The following SCLY variants were observed in gnomAD, a reference collection of about 807,000 sequenced individuals.
SCLY encodes the protein putative selenocysteine lyase.
A neutral mutation model predicts 50.1 loss-of-function variants in SCLY; 38 were observed. The ratio of observed to expected loss-of-function variants is 0.76; its 90% CI spans 0.59 to 0.99. The LOEUF is 0.99. SCLY is among the 50% of genes least tolerant of loss of function. SCLY has a pLI of 0.00. For missense variants in SCLY, 600 were observed against 620.0 expected, an observed-to-expected ratio of 0.97 and a Z score of 0.34; for synonymous variants, 243 against 249.4, an observed-to-expected ratio of 0.97 and a Z score of 0.24.
In SCLY at chr2:238,066,187, G is replaced by A. The variant is rs1250502181; in HGVS notation, c.202+1718G>A. ...TAGTGAGCATTGCACTGTTGTGCAT[G>A]TGGAAGTCTCTTTACTGCCTGTTGC... On this transcript the variant is annotated intron_variant, in intron 2 of 11. Coordinates refer to ENST00000254663, the MANE Select transcript of SCLY (RefSeq NM_016510.7). The surrounding 1 kb of genome is among the most constrained non-coding windows in gnomAD (Gnocchi z 4.1). 6.6e-6 allele frequency among the ~76,000 whole-genome samples: 1 copy of A among 152,216 alleles called. No homozygotes were observed. The highest frequency in any genetic ancestry group is 6.5e-5 in the Admixed American group (1 of 15,282).
intron 10 of SCLY, among the ~76,000 whole-genome samples, chr2:238,096,596 G>A (rs908097168): frequency 9.8e-5 from 15 of 152,384 alleles, no homozygotes; most frequent in Admixed American, 1.3e-4. Flanking sequence ...TAGTGTCTGC[G>A]TTTGTGCAGC....
rs74900572 is a variant in SCLY, at chr2:238,072,104, C to T, written c.484+2627C>T. 7.8e-3 allele frequency among the ~76,000 whole-genome samples: 1,193 copies of T among 152,292 alleles called. 8 individuals are homozygous for T. Among genetic ancestry groups the T allele is most frequent in the Non-Finnish European group, 0.012 (821 of 68,018 alleles). On this transcript the variant is annotated intron_variant, in intron 4 of 11. Transcript: ENST00000254663. ...ACCACTCATCTACTTTCTGTCTCTA[C>T]AGATTTCCCTATTCTAGACTCCCCT... is the stretch of plus-strand genomic sequence containing the variant.
chr2:238,073,727 T>C (rs2106440765), intron 4 of SCLY: 1 of 467,404 alleles, frequency 2.1e-6, no homozygotes, highest in Non-Finnish European at 4.4e-6. Context: ...TTTTCTCCTA[T>C]CTCTACTGTC....
chr2:238,065,660 T>TTTTTATTATTATTATTATTA (rs71402758), intron 2 of SCLY, among the ~76,000 whole-genome samples: 2 of 143,514 alleles, frequency 1.4e-5, no homozygotes, highest in African/African-American at 5.2e-5. Context: ...AATATTTTAT[T>TTTTTATTATTATTATTATTA]TTATTATTAT....
chr2:238,091,534 CAAGCTGCAGGTT>C, intron 8 of SCLY: 3 of 450,822 alleles, frequency 6.7e-6, no homozygotes, highest in Admixed American at 3.6e-5. Context: ...GGTGAAGTGT[CAAGCTGCAGGTT>C]CACCATTCCC....
chr2:238,082,990 C>T (rs1164667166), intron 6 of SCLY: 1 of 516,300 alleles, frequency 1.9e-6, no homozygotes, highest in East Asian at 3.9e-5. Context: ...ACATGATGCG[C>T]AGGGGAGAGC....
rs529263126 is a variant in SCLY, at chr2:238,067,922, G to C, written c.203-143G>C. On this transcript the variant is annotated intron_variant, in intron 2 of 11. Transcript: ENST00000254663. This position sits in a 1 kb window ranked among gnomAD's most constrained non-coding sequence, Gnocchi z 4.3. ...GGTTGTGTCTAGGTTGTAGCATTTTGCTGTGCTCACATTAAGGGGCCAGGT... is the reference window on the plus strand; with the variant it reads ...GGTTGTGTCTAGGTTGTAGCATTTTCCTGTGCTCACATTAAGGGGCCAGGT... 8 of 580,278 alleles carry C rather than the reference G, an allele frequency of 1.4e-5. No individual in the cohort carries two copies. The African/African-American group carries it at 1.5e-4, about 11-fold the overall frequency. The allele number at this position is 580,278 out of a possible 1,614,324, so 35.9% of individuals were successfully genotyped here.
chr2:238,091,541 C>T (rs3739055), intron 8 of SCLY: 177,599 of 410,852 alleles, frequency 0.43, 40,252 homozygotes, highest in Admixed American at 0.47. Context: ...TGTCAAGCTG[C>T]AGGTTCACCA....
intron 7 of SCLY, among the ~76,000 whole-genome samples, chr2:238,089,290 A>T (rs1009324576): frequency 1.3e-5 from 2 of 152,196 alleles, no homozygotes; most frequent in African/African-American, 2.4e-5. Flanking sequence ...AGATTGGAAG[A>T]TTCTACATAC....
intron 7 of SCLY, among the ~76,000 whole-genome samples, chr2:238,088,038 T>C (rs1305247260): frequency 6.6e-6 from 1 of 152,174 alleles, no homozygotes; most frequent in Non-Finnish European, 1.5e-5. Context: ...CAAGGCTGCA[T>C]GAGCTATGAT....
intron 4 of SCLY, among the ~76,000 whole-genome samples, chr2:238,073,386 G>A (rs2065144463): frequency 6.6e-6 from 1 of 152,148 alleles, no homozygotes; most frequent in African/African-American, 2.4e-5. Context: ...GTTAAATTCT[G>A]CAAAAATCTA....
At chr2:238,087,799 A>C (rs1576674650) in intron 7 of SCLY, among the ~76,000 whole-genome samples, 1 of 152,194 alleles carries the variant, frequency 6.6e-6, no homozygotes, top group Non-Finnish European at 1.5e-5. Flanking sequence ...CATAGAAAGA[A>C]TTATACACTG....
chr2:238,061,159 G>T lies in SCLY; in HGVS notation c.89+16G>T, dbSNP rs1338497437. 6.7e-7 allele frequency: 1 copy of T among 1,493,178 alleles called. No individual in the cohort carries two copies. The highest frequency in any genetic ancestry group is 2.1e-5 in the Admixed American group (1 of 48,322). The allele number at this position is 1,493,178 out of a possible 1,614,324, so 92.5% of individuals were successfully genotyped here. A position where few individuals can be genotyped will look rare whatever the true frequency, so the allele number is the denominator to read the frequency against. On this transcript the variant is annotated intron_variant, in intron 1 of 11. Coordinates refer to ENST00000254663, the MANE Select transcript of SCLY (RefSeq NM_016510.7). The stretch of plus-strand genomic sequence containing the variant: ...CGCCGGAGAGGTGCGCGCCTTTAGG[G>T]CAGGGCTGGGGAGCGGCCGGCGCCT...
rs1423142392 is a variant in SCLY, at chr2:238,069,708, A to T, written c.484+231A>T. 2 of 437,538 alleles carry T rather than the reference A, an allele frequency of 4.6e-6. No individual in the cohort carries two copies. The highest frequency in any genetic ancestry group is 3.7e-5 in the East Asian group (1 of 27,242). The allele number at this position is 437,538 out of a possible 1,614,324, so 27.1% of individuals were successfully genotyped here. A position where few individuals can be genotyped will look rare whatever the true frequency, so the allele number is the denominator to read the frequency against. On this transcript the variant is annotated intron_variant, in intron 4 of 11. Coordinates refer to ENST00000254663, the MANE Select transcript of SCLY (RefSeq NM_016510.7). This position sits in a 1 kb window ranked among gnomAD's most constrained non-coding sequence, Gnocchi z 5.0. ...CCTCTCGGTGCAGAGGCCAGCTGCC[A>T]CAAGGGGGTTGGCAAGTGTGGCCAA...
In SCLY at chr2:238,064,414, C is replaced by A. The variant is rs778971899; in HGVS notation, c.147C>A (p.Ala49=). Residue 49 remains alanine (A), a synonymous_variant, in exon 2 of 12, where the codon GCC becomes GCA. Transcript: ENST00000254663. ...CCCTGGAGCCAGAAGTTATCCAGGCCATGACCAAGGCCATGTGGGAAGCCT... is the reference window on the plus strand; with the variant it reads ...CCCTGGAGCCAGAAGTTATCCAGGCAATGACCAAGGCCATGTGGGAAGCCT... ...TTPLEPEVIQ[A]MTKAMWEAWG... 1 of 1,611,792 alleles carries A rather than the reference C, an allele frequency of 6.2e-7. No homozygotes were observed. Among genetic ancestry groups the A allele is most frequent in the East Asian group, 2.2e-5 (1 of 44,700 alleles).
In SCLY at chr2:238,064,346, CT is replaced by C; in HGVS notation, c.90-8del. 1 of 1,569,268 alleles carries C rather than the reference CT, an allele frequency of 6.4e-7. No individual in the cohort carries two copies. The highest frequency in any genetic ancestry group is 8.7e-7 in the Non-Finnish European group (1 of 1,153,710). ...TTTCCTTAATGGGTGTCTTTGCTTT[CT>C]TTCCTTCAGGAAAGTTTATATGGAC... is the stretch of plus-strand genomic sequence containing the variant. On this transcript the variant is annotated splice_polypyrimidine_tract_variant and intron_variant, in intron 1 of 11. Transcript: ENST00000254663.
intron 4 of SCLY, among the ~76,000 whole-genome samples, chr2:238,070,095 G>A (rs889811309): frequency 2.0e-4 from 30 of 152,216 alleles, no homozygotes; most frequent in African/African-American, 6.8e-4. Context: ...GAGGAGGCTC[G>A]CTGCAGCAGC....
rs1344899725 is a variant in SCLY at position 238,082,229 on chromosome 2, C to T, written c.777+20C>T. 6.4e-7 allele frequency: 1 copy of T among 1,573,434 alleles called. No individual in the cohort carries two copies. Among genetic ancestry groups the T allele is most frequent in the Non-Finnish European group, 8.7e-7 (1 of 1,155,970 alleles). On this transcript the variant is annotated intron_variant, in intron 6 of 11. Coordinates refer to ENST00000254663, the MANE Select transcript of SCLY (RefSeq NM_016510.7). Reference sequence around the variant, plus strand: ...CACAAGGTAAGTCTGCAGAGGCTTCCTGCCTCTGTGGGCAGAGCCTACTGC... The same window carrying T: ...CACAAGGTAAGTCTGCAGAGGCTTCTTGCCTCTGTGGGCAGAGCCTACTGC...
At chr2:238,084,961 C>T (rs1226962658) in intron 7 of SCLY, among the ~76,000 whole-genome samples, 2 of 150,096 alleles carry the variant, frequency 1.3e-5, no homozygotes, top group Non-Finnish European at 2.9e-5. Context: ...CATACCCCTT[C>T]TCCTGCCAGC....
Sources: gnomAD v4.1 joint callset for allele counts (sites outside exome capture counted in the v4.1 genomes callset) on GRCh38, gnomAD v4.1.1 for gene constraint, Gnocchi (gnomAD v3.1) non-coding constraint, MANE v1.5 for transcripts, NCBI Gene and HGNC (gene_info 2026-07-23, HGNC 2026-07-21) for gene names.